CCDC40: variants seen among roughly 807,000 people sequenced by gnomAD.
CCDC40 encodes coiled-coil domain 40 molecular ruler complex subunit, also known as coiled-coil domain-containing protein 40.
Under a neutral mutation model 124.5 loss-of-function variants are expected in CCDC40, and 104 were observed. The observed-to-expected ratio is 0.84, with a 90% CI of 0.71 to 0.98. The LOEUF is 0.98. CCDC40 is among the 50% of genes least tolerant of loss of function. The pLI is 0.00. For missense variants in CCDC40, 1,463 were observed against 1,503.9 expected (o/e 0.97, Z 0.45); for synonymous variants, 580 against 602.9 (o/e 0.96, Z 0.56).
intron 3 of CCDC40, among the ~76,000 whole-genome samples, chr17:80,040,692 A>G (rs914331365): frequency 6.6e-6 from 1 of 151,670 alleles, no homozygotes; most frequent in African/African-American, 2.4e-5. Flanking sequence ...AAAAAAAAAA[A>G]AAAGAAAAGA....
intron 17 of CCDC40, among the ~76,000 whole-genome samples, chr17:80,091,224 C>T (rs535023117): frequency 6.6e-6 from 1 of 151,668 alleles, no homozygotes; most frequent in South Asian, 2.1e-4. Context: ...AGGTTGTTTC[C>T]AATTTGTTGT....
At chr17:80,096,774 T>A (rs951232452) in intron 18 of CCDC40, among the ~76,000 whole-genome samples, 1 of 152,234 alleles carries the variant, frequency 6.6e-6, no homozygotes, top group East Asian at 1.9e-4. Context: ...TGCCAAACAC[T>A]GCCTGCCCGG....
At chr17:80,083,213 T>G (rs2038500259) in intron 12 of CCDC40, among the ~76,000 whole-genome samples, 3 of 148,300 alleles carry the variant, frequency 2.0e-5, no homozygotes, top group Non-Finnish European at 4.5e-5. Flanking sequence ...TGCAGGGCAG[T>G]TGGGGAGGGG....
At chr17:80,065,666 C>T (rs369482569) in intron 10 of CCDC40, 60 bp downstream of exon 10, 132 of 1,601,826 alleles carry the variant, frequency 8.2e-5, no homozygotes, top group Middle Eastern at 4.4e-4. Flanking sequence ...GTGGCAGGCC[C>T]GCCCCACACC....
intron 10 of CCDC40, chr17:80,068,080 C>T: frequency 1.3e-6 from 1 of 751,650 alleles, no homozygotes; most frequent in Non-Finnish European, 1.6e-6. Flanking sequence ...GTCCCCCAGG[C>T]TGGAGTGCAG....
chr17:80,041,447 G>A (rs1410369142), intron 3 of CCDC40, among the ~76,000 whole-genome samples: 1 of 151,782 alleles, frequency 6.6e-6, no homozygotes, highest in Non-Finnish European at 1.5e-5. Context: ...GGCAGGGGTT[G>A]CCGTCAGCCG....
chr17:80,069,008 G>T (rs909975292), intron 10 of CCDC40, among the ~76,000 whole-genome samples: 4 of 152,186 alleles, frequency 2.6e-5, no homozygotes, highest in Admixed American at 1.3e-4. Flanking sequence ...CCACATGGGC[G>T]GGAGGTGTCC....
intron 7 of CCDC40, among the ~76,000 whole-genome samples, chr17:80,054,983 A>AAAT: frequency 6.6e-6 from 1 of 152,072 alleles, no homozygotes; most frequent in Admixed American, 6.5e-5. Flanking sequence ...TCAAAAAAAA[A>AAAT]AAATAAATAA....
rs778868307 is a variant in CCDC40 at position 80,048,726 on chromosome 17, G to A, written c.820G>A (p.Glu274Lys). The change falls in exon 5 of 20, where the codon GAA (glutamate) becomes AAA (lysine). Residue 274 changes from glutamate to lysine, a missense_variant. Glu to Lys is a moderately conservative substitution (Grantham distance 56). Transcript: ENST00000397545. ...GGGGAGTGACGAGGAAGCAGAAGACGAAGGGTCCCAGCTGGTGGTTTTGGA... is the reference window on the plus strand; with the variant it reads ...GGGGAGTGACGAGGAAGCAGAAGACAAAGGGTCCCAGCTGGTGGTTTTGGA... ...SEGSDEEAED[E>K]GSQLVVLDPD... The A allele has an allele frequency of 1.1e-5, 17 of 1,613,216 alleles. No individual in the cohort carries two copies. Among genetic ancestry groups the A allele is most frequent in the African/African-American group, 4.0e-5 (3 of 74,906 alleles).
chr17:80,040,419 C>T (rs1433728855), intron 3 of CCDC40, 149 bp downstream of exon 3: 1 of 817,978 alleles, frequency 1.2e-6, no homozygotes, highest in East Asian at 2.7e-5. Context: ...TGGCTCACGC[C>T]TGTAATCCCA....
chr17:80,093,090 G>T (rs901457835), intron 17 of CCDC40, among the ~76,000 whole-genome samples: 2 of 152,142 alleles, frequency 1.3e-5, no homozygotes, highest in Admixed American at 1.3e-4. Flanking sequence ...TTCGTTTCTG[G>T]GCTGTTTTGT....
At chr17:80,090,232 C>A in intron 17 of CCDC40, 4 of 896,506 alleles carry the variant, frequency 4.5e-6, no homozygotes, top group South Asian at 2.0e-5. Flanking sequence ...GGGACGCGCG[C>A]AGGCACGTGC....
In CCDC40 at chr17:80,097,578, T is replaced by A. The variant is rs897946104; in HGVS notation, c.3180+175T>A. 4.7e-6 allele frequency: 3 copies of A among 641,646 alleles called. No individual in the cohort carries two copies. The African/African-American group carries it at 5.5e-5, about 12-fold the overall frequency. 39.7% of individuals were successfully genotyped at this position (641,646 alleles called of 1,614,324 possible). ...GCTCACATGTTTGTGGCTTTGTGAT[T>A]TGTTCCACTGACAAATGTTGATGGA... On this transcript the variant is annotated intron_variant, in intron 19 of 19. Coordinates refer to ENST00000397545, the MANE Select transcript of CCDC40 (RefSeq NM_017950.4).
chr17:80,046,182 C>G (rs2037415638), intron 3 of CCDC40, among the ~76,000 whole-genome samples: 1 of 152,170 alleles, frequency 6.6e-6, no homozygotes. Context: ...ATATAAAAAT[C>G]ATCATTTGAC....
intron 10 of CCDC40, among the ~76,000 whole-genome samples, chr17:80,073,156 C>T (rs2038233742): frequency 6.6e-6 from 1 of 152,132 alleles, no homozygotes; most frequent in Admixed American, 6.6e-5. Flanking sequence ...GCACATGCCA[C>T]CATGCCCTGC....
At chr17:80,089,666 T>C (rs2038661433) in intron 16 of CCDC40, 98 bp from the exon 17 acceptor site, 1 of 1,418,250 alleles carries the variant, frequency 7.1e-7, no homozygotes, top group Admixed American at 1.7e-5. Context: ...GGCTCTGCCA[T>C]TGCAGCTTGA....
chr17:80,075,604 G>A (rs1477807907), intron 10 of CCDC40, among the ~76,000 whole-genome samples: 2 of 152,112 alleles, frequency 1.3e-5, no homozygotes, highest in African/African-American at 2.4e-5. Context: ...CTCAGAGGGT[G>A]GAGGCAGGGG....
intron 17 of CCDC40, chr17:80,090,487 G>A (rs1434367180): frequency 2.6e-6 from 4 of 1,515,454 alleles, no homozygotes; most frequent in African/African-American, 2.9e-5. Context: ...ACACAAGCAC[G>A]TGCATGTCAT....
At chr17:80,092,384 A>T (rs1189651095) in intron 17 of CCDC40, among the ~76,000 whole-genome samples, 11 of 152,100 alleles carry the variant, frequency 7.2e-5, no homozygotes, top group Admixed American at 7.2e-4. Context: ...CCACTGCCAC[A>T]TCATGATATA....
Sources: allele counts gnomAD v4.1 joint callset (sites outside exome capture counted in the v4.1 genomes callset), GRCh38; gene constraint gnomAD v4.1.1; transcripts MANE v1.5; gene names NCBI Gene and HGNC (gene_info 2026-07-23, HGNC 2026-07-21).